Variants in ADCY5 observed in about 807,000 individuals in gnomAD.
ADCY5 encodes the protein adenylate cyclase 5.
A neutral mutation model predicts 119.7 loss-of-function variants in ADCY5; 30 were observed. The observed-to-expected ratio is 0.25, with a 90% CI of 0.19 to 0.34. The LOEUF is 0.34. ADCY5 is among the 10% of genes least tolerant of loss of function. The pLI, the probability that ADCY5 is intolerant of heterozygous loss-of-function variation, is 1.00. For missense variants in ADCY5, 1,324 were observed against 1,775.2 expected (o/e 0.75, Z 4.57); for synonymous variants, 753 against 762.2 (o/e 0.99, Z 0.20).
intron 15 of ADCY5, 91 bp downstream of exon 15, chr3:123,300,029 C>T: frequency 7.2e-7 from 1 of 1,395,892 alleles, no homozygotes; most frequent in Middle Eastern, 1.9e-4. Context: ...TCGCAAGTTC[C>T]CTGTGGTGCC....
chr3:123,308,179 G>A (rs1485530466), intron 12 of ADCY5, among the ~76,000 whole-genome samples: 15 of 151,534 alleles, frequency 9.9e-5, no homozygotes, highest in Admixed American at 3.9e-4. Context: ...GACTACAGGC[G>A]CCCACCACCA....
intron 3 of ADCY5, among the ~76,000 whole-genome samples, chr3:123,337,187 T>C (rs1295286357): frequency 6.6e-6 from 1 of 152,186 alleles, no homozygotes; most frequent in Non-Finnish European, 1.5e-5. Flanking sequence ...TATGCTCCGG[T>C]CTGTCTCTTC....
intron 4 of ADCY5, among the ~76,000 whole-genome samples, chr3:123,331,716 T>TCCC (rs1941771716): frequency 6.6e-6 from 1 of 151,882 alleles, no homozygotes; most frequent in African/African-American, 2.4e-5. Context: ...CTCCCAAAGA[T>TCCC]AGTTGAGAAA....
intron 1 of ADCY5, among the ~76,000 whole-genome samples, chr3:123,378,863 A>G (rs12631979): frequency 0.47 from 71,556 of 151,594 alleles, 17,589 homozygotes; most frequent in East Asian, 0.68. Flanking sequence ...CCCCCTTGCC[A>G]GGGTTAGTGT....
intron 1 of ADCY5, among the ~76,000 whole-genome samples, chr3:123,399,921 G>A (rs924338647): frequency 1.1e-4 from 17 of 152,232 alleles, no homozygotes; most frequent in Admixed American, 3.9e-4. Context: ...GGAAACAGAA[G>A]GCCAGGGGTT....
chr3:123,358,161 T>TGA (rs1943106254), intron 1 of ADCY5, among the ~76,000 whole-genome samples: 1 of 51,092 alleles, frequency 2.0e-5, no homozygotes, highest in African/African-American at 6.3e-5. Context: ...AACACGTGTG[T>TGA]GTGTGTGTGT....
intron 1 of ADCY5, among the ~76,000 whole-genome samples, chr3:123,389,639 C>A (rs1043352046): frequency 6.6e-6 from 1 of 152,014 alleles, no homozygotes; most frequent in Admixed American, 6.5e-5. Flanking sequence ...CAGAGCGGCA[C>A]ATGTGGAGAG....
intron 1 of ADCY5, among the ~76,000 whole-genome samples, chr3:123,426,338 T>C (rs1945412989): frequency 6.6e-6 from 1 of 151,648 alleles, no homozygotes; most frequent in South Asian, 2.1e-4. Context: ...GTTTGTTTGT[T>C]TTTGAGACAG....
At chr3:123,343,900 G>T (rs1427202649) in intron 3 of ADCY5, among the ~76,000 whole-genome samples, 1 of 152,184 alleles carries the variant, frequency 6.6e-6, no homozygotes, top group East Asian at 1.9e-4. Flanking sequence ...ACGTCAGACA[G>T]GGGAGACAAC....
intron 1 of ADCY5, among the ~76,000 whole-genome samples, chr3:123,393,187 C>T (rs1057334712): frequency 3.3e-5 from 5 of 152,180 alleles, no homozygotes; most frequent in Non-Finnish European, 5.9e-5. Context: ...TTGGTTCAAG[C>T]CCTCTCACTC....
chr3:123,293,097 T>C (rs745835195), intron 17 of ADCY5, among the ~76,000 whole-genome samples: 11 of 152,184 alleles, frequency 7.2e-5, no homozygotes. Flanking sequence ...GGCTGCGCCC[T>C]GGCAGGGCAG....
At chr3:123,329,443 G>A (rs1941655958) in intron 5 of ADCY5, among the ~76,000 whole-genome samples, 1 of 152,136 alleles carries the variant, frequency 6.6e-6, no homozygotes, top group Non-Finnish European at 1.5e-5. Flanking sequence ...CAGTAGACAG[G>A]GCAGGCCCTC....
chr3:123,362,586 A>G (rs1329440259), intron 1 of ADCY5, among the ~76,000 whole-genome samples: 3 of 152,212 alleles, frequency 2.0e-5, no homozygotes, highest in Non-Finnish European at 4.4e-5. Flanking sequence ...TAGTGCTTAC[A>G]TGAACAAGAC....
intron 1 of ADCY5, among the ~76,000 whole-genome samples, chr3:123,371,564 C>T (rs560991553): frequency 3.9e-5 from 6 of 152,336 alleles, no homozygotes; most frequent in East Asian, 1.9e-4. Flanking sequence ...GGCACGCGGC[C>T]GGACCCAAGC....
chr3:123,442,302 G>A (rs988112788), intron 1 of ADCY5, among the ~76,000 whole-genome samples: 1 of 152,142 alleles, frequency 6.6e-6, no homozygotes, highest in Non-Finnish European at 1.5e-5. Flanking sequence ...TCAGCAAGAG[G>A]CTGCGCCATC....
intron 3 of ADCY5, among the ~76,000 whole-genome samples, chr3:123,336,841 T>G (rs929985886): frequency 2.0e-5 from 3 of 152,170 alleles, no homozygotes; most frequent in African/African-American, 7.2e-5. Flanking sequence ...ATGGCAACTC[T>G]TGTCACACTA....
At chr3:123,338,887 C>T (rs1553729429) in intron 3 of ADCY5, among the ~76,000 whole-genome samples, 1 of 152,206 alleles carries the variant, frequency 6.6e-6, no homozygotes, top group Non-Finnish European at 1.5e-5. Context: ...GCTGTCAGAG[C>T]CTGGCCCTGC....
intron 8 of ADCY5, 141 bp downstream of exon 8, chr3:123,325,181 G>A: frequency 8.9e-7 from 1 of 1,129,436 alleles, no homozygotes; most frequent in Non-Finnish European, 1.2e-6. Context: ...GTCCAAAGTT[G>A]GGGCAAACCG....
At chr3:123,339,365 A>G (rs937994901) in intron 3 of ADCY5, among the ~76,000 whole-genome samples, 1 of 152,050 alleles carries the variant, frequency 6.6e-6, no homozygotes, top group Non-Finnish European at 1.5e-5. Flanking sequence ...TCTTATTAAC[A>G]CTGGGCTGAG....
Sources: allele counts gnomAD v4.1 joint callset (sites outside exome capture counted in the v4.1 genomes callset), GRCh38; gene constraint gnomAD v4.1.1; transcripts MANE v1.5; gene names NCBI Gene and HGNC (gene_info 2026-07-23, HGNC 2026-07-21).